The following RPS6KA3 variants were observed in gnomAD, a reference collection of about 807,000 sequenced individuals.
RPS6KA3 encodes the protein ribosomal protein S6 kinase A3.
A neutral mutation model predicts 67.2 loss-of-function variants in RPS6KA3; 4 were observed. The ratio of observed to expected loss-of-function variants is 0.06; its 90% CI spans 0.03 to 0.14. The LOEUF (loss-of-function observed/expected upper bound fraction) is 0.14. Among genes scored for constraint, RPS6KA3 ranks in the 10% least tolerant of loss-of-function variants. The pLI is 1.00. For missense variants in RPS6KA3, 204 were observed against 559.0 expected (o/e 0.36, Z 6.40); for synonymous variants, 182 against 183.7 (o/e 0.99, Z 0.07).
chrX:20,175,671 G>A (rs1744013222), intron 13 of RPS6KA3, among the ~76,000 whole-genome samples: 1 of 111,337 alleles, frequency 9.0e-6, no homozygotes, highest in Admixed American at 9.6e-5. Context: ...CATTTGAAAC[G>A]TGCCTAGCGT....
At chrX:20,261,023 A>G (rs750441013) in intron 1 of RPS6KA3, among the ~76,000 whole-genome samples, 4 of 111,771 alleles carry the variant, frequency 3.6e-5, no homozygotes, top group African/African-American at 6.5e-5. Context: ...TAACTAATGT[A>G]TTTGCTTAAA....
At chrX:20,180,387 T>G (rs183116637) in intron 10 of RPS6KA3, among the ~76,000 whole-genome samples, 1 of 111,265 alleles carries the variant, frequency 9.0e-6, no homozygotes, top group East Asian at 2.8e-4. Flanking sequence ...CTAATAACAC[T>G]AAGGGAATAA....
intron 20 of RPS6KA3, among the ~76,000 whole-genome samples, chrX:20,160,864 C>T (rs2067288797): frequency 8.9e-6 from 1 of 112,245 alleles, no homozygotes; most frequent in African/African-American, 3.2e-5. Flanking sequence ...TATACGATCA[C>T]CTCAACTCAA....
intron 2 of RPS6KA3, among the ~76,000 whole-genome samples, chrX:20,220,981 T>C (rs945691836): frequency 8.0e-5 from 9 of 112,077 alleles, no homozygotes; most frequent in African/African-American, 2.9e-4. Context: ...GCACCAAAGT[T>C]AAAAGACTAG....
intron 17 of RPS6KA3, among the ~76,000 whole-genome samples, chrX:20,165,626 A>G (rs1313713046): frequency 8.9e-6 from 1 of 112,182 alleles, no homozygotes; most frequent in Non-Finnish European, 1.9e-5. Context: ...GAGTCATTCT[A>G]ACTAGAAGGA....
At position 20,195,987 on chromosome X, in the gene RPS6KA3, A is replaced by C. The variant is rs777074120; in HGVS notation, c.326-842T>G. ...ACCATGAATATGATTAAGGGATAAA[A>C]CAATTTACTACCAGCAATGAGTACT... On this transcript the variant is annotated intron_variant, in intron 4 of 21. Transcript: ENST00000379565. 2.7e-5 allele frequency among the ~76,000 whole-genome samples: 3 copies of C among 112,465 alleles called. No individual in the cohort carries two copies. In the South Asian group the frequency reaches 1.1e-3, roughly 41 times the overall value.
At chrX:20,252,213 G>T (rs1603432001) in intron 1 of RPS6KA3, among the ~76,000 whole-genome samples, 2 of 111,487 alleles carry the variant, frequency 1.8e-5, no homozygotes, top group Admixed American at 1.9e-4. Context: ...AAGAGTGTTT[G>T]TGATTGCTCA....
intron 1 of RPS6KA3, among the ~76,000 whole-genome samples, chrX:20,255,287 G>A (rs779867366): frequency 2.7e-5 from 3 of 111,455 alleles, no homozygotes; most frequent in East Asian, 5.6e-4. Context: ...TGAATCTAGA[G>A]ACAGAAAATA....
In RPS6KA3 at chrX:20,186,376, G is replaced by A; in HGVS notation, c.775-10C>T. The A allele has an allele frequency of 1.8e-6, 2 of 1,099,009 alleles. No individual in the cohort carries two copies. Among genetic ancestry groups the A allele is most frequent in the South Asian group, 1.8e-5 (1 of 54,344 alleles). The allele number at this position is 1,099,009 out of a possible 1,213,427, so 90.6% of individuals were successfully genotyped here. ...CAGTAAGCATTTCAAACTACAGAAA[G>A]GCAAAATAATCAGAAGTGTTAGTCA... On this transcript the variant is annotated splice_polypyrimidine_tract_variant and intron_variant, in intron 9 of 21. Coordinates refer to ENST00000379565, the MANE Select transcript of RPS6KA3 (RefSeq NM_004586.3).
chrX:20,172,622 C>A, intron 15 of RPS6KA3, 124 bp downstream of exon 15: 1 of 537,055 alleles, frequency 1.9e-6, no homozygotes, highest in Non-Finnish European at 3.1e-6. Context: ...AGATCACTAG[C>A]CAGATATTTA....
intron 2 of RPS6KA3, among the ~76,000 whole-genome samples, chrX:20,219,410 T>C (rs1015973450): frequency 1.3e-4 from 15 of 111,700 alleles, no homozygotes; most frequent in African/African-American, 4.6e-4. Context: ...TTCATAACTA[T>C]AGGTAGAAAA....
rs2067117715 is a variant in RPS6KA3, at chrX:20,152,437, T to C, written c.*2961A>G. 8.9e-6 allele frequency: 1 copy of C among 112,752 alleles called. No individual in the cohort carries two copies. Among genetic ancestry groups the C allele is most frequent in the Admixed American group, 9.4e-5 (1 of 10,607 alleles). 9.3% of individuals were successfully genotyped at this position (112,752 alleles called of 1,213,427 possible). A position where few individuals can be genotyped will look rare whatever the true frequency, so the allele number is the denominator to read the frequency against. On this transcript the variant is annotated 3_prime_UTR_variant, in exon 22 of 22. Transcript: ENST00000379565. ...GCTTGACAAGCTTAAATTCAATCTC[T>C]CATTTTGTAAAAGAGGCCTGATAGT...
At chrX:20,176,412 C>T in intron 12 of RPS6KA3, 22 bp downstream of exon 12, 1 of 1,150,682 alleles carries the variant, frequency 8.7e-7, no homozygotes, top group Non-Finnish European at 1.2e-6. Flanking sequence ...ATATTTCAAG[C>T]AAGTTTTCAT....
chrX:20,199,777 G>C (rs185730503), intron 4 of RPS6KA3, among the ~76,000 whole-genome samples: 60 of 112,018 alleles, frequency 5.4e-4, no homozygotes, highest in Non-Finnish European at 9.8e-4. Flanking sequence ...AAGAGGAAAA[G>C]CAGCTTACAC....
chrX:20,166,713 C>CTTTTTTT (rs774405280), intron 17 of RPS6KA3, among the ~76,000 whole-genome samples: 8 of 81,385 alleles, frequency 9.8e-5, no homozygotes, highest in Non-Finnish European at 1.1e-4. Context: ...GACTTCCCTT[C>CTTTTTTT]TTTTTTTTTT....
intron 1 of RPS6KA3, among the ~76,000 whole-genome samples, chrX:20,256,172 C>CAAAAAA (rs35947983): frequency 9.7e-4 from 14 of 14,441 alleles, no homozygotes; most frequent in Non-Finnish European, 1.2e-3. Context: ...GACACCGTCT[C>CAAAAAA]AAAAAAAAAA....
chrX:20,220,096 TAG>T (rs925919103), intron 2 of RPS6KA3, among the ~76,000 whole-genome samples: 2 of 110,837 alleles, frequency 1.8e-5, no homozygotes, highest in Non-Finnish European at 3.8e-5. Flanking sequence ...GAGCAAACAT[TAG>T]AGAGACCATT....
At position 20,247,688 on chromosome X, in the gene RPS6KA3, G is replaced by A. The variant is rs760848272; in HGVS notation, c.70-12874C>T. On this transcript the variant is annotated intron_variant, in intron 1 of 21. Coordinates refer to ENST00000379565, the MANE Select transcript of RPS6KA3 (RefSeq NM_004586.3). ...TGTAGTCCCAGCTACTTGGGAGGCT[G>A]AGGTAGGAGAATGGCATGAACCCGG... Among the ~76,000 whole-genome samples the A allele has an allele frequency of 8.2e-5, 9 of 109,193 alleles. No homozygotes were observed. The South Asian group carries it at 3.6e-3, about 43-fold the overall frequency. 94.8% of individuals were successfully genotyped at this position (109,193 alleles called of 115,157 possible). A position where few individuals can be genotyped will look rare whatever the true frequency, so the allele number is the denominator to read the frequency against.
intron 10 of RPS6KA3, among the ~76,000 whole-genome samples, chrX:20,181,492 T>C (rs2067842506): frequency 9.0e-6 from 1 of 111,239 alleles, no homozygotes; most frequent in East Asian, 2.8e-4. Flanking sequence ...GGAGTCACTA[T>C]TATGAGTACA....
Sources: gnomAD v4.1 joint callset for allele counts (sites outside exome capture counted in the v4.1 genomes callset) on GRCh38, gnomAD v4.1.1 for gene constraint, MANE v1.5 for transcripts, NCBI Gene and HGNC (gene_info 2026-07-23, HGNC 2026-07-21) for gene names.